SPTBN4: variants seen among roughly 807,000 people sequenced by gnomAD.
SPTBN4 encodes the protein spectrin beta chain, non-erythrocytic 4.
SPTBN4 carries 96 observed loss-of-function variants against 277.8 expected under a neutral mutation model. The observed-to-expected ratio is 0.35, with a 90% CI of 0.29 to 0.41. The LOEUF (loss-of-function observed/expected upper bound fraction) is 0.41, where lower values mean the gene tolerates loss of function less well. Ranked by LOEUF, SPTBN4 falls within the 10% of genes least tolerant of loss-of-function variation. The pLI, the probability that SPTBN4 is intolerant of heterozygous loss-of-function variation, is 1.00. For synonymous variants in SPTBN4, 1,481 were observed against 1,580.3 expected, an observed-to-expected ratio of 0.94 and a Z score of 1.49; for missense variants, 3,006 against 3,595.7, an observed-to-expected ratio of 0.84 and a Z score of 4.19.
chr19:40,560,551 T>G lies in SPTBN4; in HGVS notation c.5915+148T>G. The stretch of plus-strand genomic sequence containing the variant: ...GTGTGCTAGGCACTGTTCTAGGTGC[T>G]TCGTGTGTATTCAGACCCCTTTTTT... On this transcript the variant is annotated intron_variant, in intron 27 of 35. Transcript: ENST00000598249. This position sits in a 1 kb window ranked among gnomAD's most constrained non-coding sequence, Gnocchi z 5.2. The G allele has an allele frequency of 6.6e-7, 1 of 1,525,182 alleles. No homozygotes were observed. The highest frequency in any genetic ancestry group is 1.3e-5 in the South Asian group (1 of 78,342). The allele number at this position is 1,525,182 out of a possible 1,614,324, so 94.5% of individuals were successfully genotyped here.
At chr19:40,568,624 A>AC (rs1340569547) in intron 31 of SPTBN4, among the ~76,000 whole-genome samples, 3 of 152,184 alleles carry the variant, frequency 2.0e-5, no homozygotes, top group African/African-American at 7.2e-5. Context: ...CACTGGGCTA[A>AC]TGGTGGAACC....
rs1250378962 is a variant in SPTBN4, at chr19:40,498,417, ATTTT to A, written c.784+817_784+820del. Among the ~76,000 whole-genome samples the A allele has an allele frequency of 5.3e-3, 769 of 145,938 alleles. 6 individuals carry two copies. Among genetic ancestry groups the A allele is most frequent in the Non-Finnish European group, 7.3e-3 (485 of 66,098 alleles). ...TATTTATTTATTTATTTATTTATTT[ATTTT>A]TTTAGATGGAGTCTCACTCTGTCGC... is the stretch of plus-strand genomic sequence containing the variant. On this transcript the variant is annotated intron_variant, in intron 7 of 35. Coordinates refer to ENST00000598249, the MANE Select transcript of SPTBN4 (RefSeq NM_020971.3).
At chr19:40,498,537 C>G (rs2080228211) in intron 7 of SPTBN4, among the ~76,000 whole-genome samples, 1 of 151,166 alleles carries the variant, frequency 6.6e-6, no homozygotes, top group Non-Finnish European at 1.5e-5. Context: ...TCCCAAGTAG[C>G]TTGGACTACA....
intron 26 of SPTBN4, among the ~76,000 whole-genome samples, chr19:40,558,711 G>A (rs1050982580): frequency 4.6e-5 from 7 of 151,120 alleles, no homozygotes; most frequent in Non-Finnish European, 7.4e-5. Context: ...AGGCTTAAGC[G>A]ATTCTCCTGC....
chr19:40,546,963 C>T (rs2080866007), intron 20 of SPTBN4, among the ~76,000 whole-genome samples: 1 of 152,140 alleles, frequency 6.6e-6, no homozygotes, highest in African/African-American at 2.4e-5. Context: ...TGATACATAT[C>T]AATTTTTACA....
chr19:40,572,140 A>T lies in SPTBN4; in HGVS notation c.7441A>T (p.Thr2481Ser). 1.2e-6 allele frequency: 2 copies of T among 1,610,952 alleles called. No homozygotes were observed. Among genetic ancestry groups the T allele is most frequent in the South Asian group, 1.1e-5 (1 of 90,760 alleles). ...GEPLLSLHKA[T>S]SEVASDYKKK... ...ACCGCTGCTCAGCCTGCACAAGGCCACCAGCGAGGTGGCTAGTGACTACAA... is the reference window on the plus strand; with the variant it reads ...ACCGCTGCTCAGCCTGCACAAGGCCTCCAGCGAGGTGGCTAGTGACTACAA... Residue 2481 changes from threonine (T) to serine (S), a missense_variant, in exon 34 of 36, where the codon ACC becomes TCC. Transcript: ENST00000598249.
intron 17 of SPTBN4, among the ~76,000 whole-genome samples, chr19:40,525,046 G>C (rs1313284229): frequency 6.6e-6 from 1 of 151,924 alleles, no homozygotes; most frequent in Non-Finnish European, 1.5e-5. Context: ...GGCTCTCTCC[G>C]GCATGATCCA....
Position 40,504,148 on chromosome 19 carries a change from C to CCCCCCCCCCCCA in SPTBN4, c.1665+16_1665+17insCCCCCCCCCCCA. On this transcript the variant is annotated intron_variant, in intron 12 of 35. Transcript: ENST00000598249. ...GGAGATGCAGGTGCCGGCGGGGGGG[C>CCCCCCCCCCCCA]GGGGATGCGGGTGGAGTGCCAGGAG... The CCCCCCCCCCCCA allele has an allele frequency of 1.5e-6, 1 of 645,766 alleles. No individual in the cohort carries two copies. Among genetic ancestry groups the CCCCCCCCCCCCA allele is most frequent in the Non-Finnish European group, 2.1e-6 (1 of 471,392 alleles). The allele number at this position is 645,766 out of a possible 1,614,324, so 40.0% of individuals were successfully genotyped here. A position where few individuals can be genotyped will look rare whatever the true frequency, so the allele number is the denominator to read the frequency against.
rs2081032172 is a variant in SPTBN4, at chr19:40,560,528, G to A, written c.5915+125G>A. 6.4e-7 allele frequency: 1 copy of A among 1,571,230 alleles called. No homozygotes were observed. The highest frequency in any genetic ancestry group is 8.6e-7 in the Non-Finnish European group (1 of 1,158,230). ...GCCAATATCTGTGTGGCGCCTCTGT[G>A]TGCTAGGCACTGTTCTAGGTGCTTC... is the stretch of plus-strand genomic sequence containing the variant. On this transcript the variant is annotated intron_variant, in intron 27 of 35. Coordinates refer to ENST00000598249, the MANE Select transcript of SPTBN4 (RefSeq NM_020971.3). The surrounding 1 kb of genome is among the most constrained non-coding windows in gnomAD (Gnocchi z 5.2).
chr19:40,497,350 C>T, intron 6 of SPTBN4, 139 bp from the exon 7 acceptor site: 1 of 653,080 alleles, frequency 1.5e-6, no homozygotes, highest in Non-Finnish European at 2.8e-6. Flanking sequence ...CTGCACAGCA[C>T]ACACAGCTTG....
rs775959162 is a variant in SPTBN4, at chr19:40,534,091, A to G, written c.4107A>G (p.Gln1369=). 10 of 1,602,468 alleles carry G rather than the reference A, an allele frequency of 6.2e-6. No homozygotes were observed. Among genetic ancestry groups the G allele is most frequent in the Middle Eastern group, 1.7e-4 (1 of 6,032 alleles). The part of the protein sequence containing the change: ...WLEKIEREGQ[Q]LMQEKPELAA... ...CCCACTTGGGGCAGGAGGGCCAGCA[A>G]CTGATGCAGGAGAAGCCCGAACTGG... The change falls in exon 20 of 36, where the codon CAA becomes CAG. Residue 1369 remains glutamine (Q), a synonymous_variant. Transcript: ENST00000598249.
chr19:40,498,467 A>G (rs1000569475), intron 7 of SPTBN4, among the ~76,000 whole-genome samples: 1 of 151,082 alleles, frequency 6.6e-6, no homozygotes, highest in African/African-American at 2.4e-5. Context: ...GTGCAGTGGC[A>G]TGATCTCGGC....
Position 40,556,282 on chromosome 19 carries a change from T to C in SPTBN4, c.5283T>C (p.His1761=), listed in dbSNP as rs1230248108. Residue 1761 remains histidine, a synonymous_variant, in exon 25 of 36, where the codon CAT becomes CAC. Coordinates refer to ENST00000598249, the MANE Select transcript of SPTBN4 (RefSeq NM_020971.3). ...GSPELGQDFE[H]VSVLQEKFSE... ...CCGAGCTCGGCCAGGACTTTGAGCATGTCTCGGTGAGCATCATTAGTAATA... is the reference window on the plus strand; with the variant it reads ...CCGAGCTCGGCCAGGACTTTGAGCACGTCTCGGTGAGCATCATTAGTAATA... The C allele has an allele frequency of 6.2e-7, 1 of 1,611,652 alleles. No homozygotes were observed. Among genetic ancestry groups the C allele is most frequent in the Admixed American group, 1.7e-5 (1 of 59,834 alleles).
chr19:40,506,224 C>A lies in SPTBN4; in HGVS notation c.1666-12C>A. 2.5e-6 allele frequency: 4 copies of A among 1,605,938 alleles called. No individual in the cohort carries two copies. Among genetic ancestry groups the A allele is most frequent in the South Asian group, 1.1e-5 (1 of 89,418 alleles). ...GTGCCAGAGGTGTGCTCAGTGCTGT[C>A]CCCGCTTGTAGGCTCAGCTGCTGTC... On this transcript the variant is annotated splice_polypyrimidine_tract_variant and intron_variant, in intron 12 of 35. Coordinates refer to ENST00000598249, the MANE Select transcript of SPTBN4 (RefSeq NM_020971.3).
chr19:40,508,069 C>T (rs1453303725), intron 13 of SPTBN4, among the ~76,000 whole-genome samples: 6 of 152,212 alleles, frequency 3.9e-5, no homozygotes, highest in African/African-American at 4.8e-5. Flanking sequence ...TCCATCATTG[C>T]TCAGCCAATC....
At chr19:40,572,624 G>A (rs1020839357) in intron 35 of SPTBN4, 2 of 556,260 alleles carry the variant, frequency 3.6e-6, no homozygotes. Context: ...CTTTGCCGTG[G>A]TCACTCAGGT....
chr19:40,467,372 C>CCG (rs2079836466), intron 1 of SPTBN4, 67 bp downstream of exon 1: 1 of 152,224 alleles, frequency 6.6e-6, no homozygotes, highest in Non-Finnish European at 1.5e-5. Context: ...CATCCCTCCT[C>CCG]CGCGCGCACG....
At chr19:40,472,893 C>G in intron 2 of SPTBN4, 103 bp downstream of exon 2, 1 of 1,165,126 alleles carries the variant, frequency 8.6e-7, no homozygotes, top group South Asian at 1.6e-5. Context: ...CCAGCACTGT[C>G]CAATAGAACT....
At chr19:40,570,007 CACAG>C (rs1227983695) in intron 32 of SPTBN4, among the ~76,000 whole-genome samples, 1 of 150,820 alleles carries the variant, frequency 6.6e-6, no homozygotes, top group Non-Finnish European at 1.5e-5. Flanking sequence ...CACACAGACA[CACAG>C]ACACAGATAC....
Sources: allele counts gnomAD v4.1 joint callset (sites outside exome capture counted in the v4.1 genomes callset), GRCh38; gene constraint gnomAD v4.1.1; non-coding constraint Gnocchi (gnomAD v3.1); transcripts MANE v1.5; gene names NCBI Gene and HGNC (gene_info 2026-07-23, HGNC 2026-07-21).